The following PKHD1L1 variants were observed in gnomAD, a reference collection of about 807,000 sequenced individuals.
PKHD1L1 encodes the protein PKHD1 like 1, also known as fibrocystin-L.
In PKHD1L1, 434 loss-of-function variants were observed where a neutral mutation model predicts 462.9. That is an observed-to-expected ratio of 0.94 (90% CI 0.87 to 1.02). The LOEUF is 1.02. PKHD1L1 is among the 50% of genes least tolerant of loss of function. The probability of loss-of-function intolerance (pLI) is 0.00; values close to 1 mark genes in which losing one functional copy is unlikely to be tolerated. For synonymous variants in PKHD1L1, 1,781 were observed against 1,750.0 expected, an observed-to-expected ratio of 1.02 and a Z score of -0.44; for missense variants, 5,202 against 5,096.1, an observed-to-expected ratio of 1.02 and a Z score of -0.63.
chr8:109,488,311 A>C (rs546815835), intron 59 of PKHD1L1, among the ~76,000 whole-genome samples: 1 of 151,998 alleles, frequency 6.6e-6, no homozygotes, highest in African/African-American at 2.4e-5. Flanking sequence ...GGATCAAAAC[A>C]TATTTGACCT....
At chr8:109,510,725 C>G in intron 70 of PKHD1L1, 52 bp from the exon 71 acceptor site, 1 of 1,520,454 alleles carries the variant, frequency 6.6e-7, no homozygotes, top group Non-Finnish European at 8.8e-7. Flanking sequence ...AGATTTTATA[C>G]TAATAAAATG....
intron 76 of PKHD1L1, 131 bp downstream of exon 76, chr8:109,523,517 C>A (rs115117590): frequency 1.6e-5 from 14 of 862,788 alleles, no homozygotes; most frequent in Non-Finnish European, 2.3e-5. Context: ...TATATTTTGC[C>A]TTGTTTCAGA....
In PKHD1L1 at chr8:109,438,894, C is replaced by T; in HGVS notation, c.3761-3C>T. The T allele has an allele frequency of 1.3e-6, 2 of 1,576,948 alleles. No individual in the cohort carries two copies. Among genetic ancestry groups the T allele is most frequent in the Non-Finnish European group, 1.7e-6 (2 of 1,159,520 alleles). On this transcript the variant is annotated splice_region_variant and splice_polypyrimidine_tract_variant and intron_variant, in intron 31 of 77. Coordinates refer to ENST00000378402, the MANE Select transcript of PKHD1L1 (RefSeq NM_177531.6). ...CATTATTTTTTAAATTTTAAAATAC[C>T]AGGAGAAGTTAATTTAACAATTAAG...
chr8:109,439,790 A>G (rs1273580676), intron 32 of PKHD1L1, among the ~76,000 whole-genome samples: 1 of 152,154 alleles, frequency 6.6e-6, no homozygotes, highest in Non-Finnish European at 1.5e-5. Context: ...TAGAAAAGGA[A>G]GATACTGAAA....
Position 109,438,975 on chromosome 8 carries a change from A to G in PKHD1L1, c.3839A>G (p.Lys1280Arg). The G allele has an allele frequency of 1.2e-6, 2 of 1,613,714 alleles. No individual in the cohort carries two copies. The highest frequency in any genetic ancestry group is 1.3e-5 in the African/African-American group (1 of 75,038). The change falls in exon 32 of 78, where the codon AAA (lysine) becomes AGA (arginine). Residue 1280 changes from lysine (K) to arginine (R), a missense_variant. Physicochemically the swap from Lys to Arg is conservative, Grantham distance 26. Around this residue, in one of 3 missense-constraint regions of PKHD1L1, gnomAD observed 4,497 missense variants for 4,336.8 expected, o/e 1.04. Transcript: ENST00000378402. ...TQNMAVYVGG[K>R]TCQILHWNFT... The stretch of plus-strand genomic sequence containing the variant: ...AACATGGCGGTGTATGTTGGAGGAA[A>G]AACCTGCCAGATTCTTCACTGGAAC...
intron 50 of PKHD1L1, chr8:109,470,163 G>T: frequency 1.5e-6 from 1 of 663,566 alleles, no homozygotes; most frequent in Non-Finnish European, 2.6e-6. Flanking sequence ...AAAAATATTT[G>T]GATGAAGATT....
At position 109,384,060 on chromosome 8, in the gene PKHD1L1, C is replaced by T. The variant is rs760336415; in HGVS notation, c.418-10C>T. On this transcript the variant is annotated splice_polypyrimidine_tract_variant and intron_variant, in intron 4 of 77. Coordinates refer to ENST00000378402, the MANE Select transcript of PKHD1L1 (RefSeq NM_177531.6). ...GATAAGTTTTCATATTGACATTATT[C>T]TTTTTACAGGCAAAAAGTTTTAGAA... 1 of 1,588,436 alleles carries T rather than the reference C, an allele frequency of 6.3e-7. No individual in the cohort carries two copies. The highest frequency in any genetic ancestry group is 2.2e-5 in the East Asian group (1 of 44,622).
rs1450346808 is a variant in PKHD1L1, at chr8:109,485,927, A to G, written c.9707-721A>G. 4.6e-5 allele frequency among the ~76,000 whole-genome samples: 7 copies of G among 151,942 alleles called. No individual in the cohort carries two copies. In the East Asian group the frequency reaches 1.4e-3, roughly 29 times the overall value. On this transcript the variant is annotated intron_variant, in intron 58 of 77. Coordinates refer to ENST00000378402, the MANE Select transcript of PKHD1L1 (RefSeq NM_177531.6). ...CATAAAGAAAAGTTTTATTTGAAAA[A>G]TGTTTCATTGTAATTAGTTGTAAAA... is the stretch of plus-strand genomic sequence containing the variant.
In PKHD1L1 at chr8:109,491,884, T is replaced by TG; in HGVS notation, c.10131dup (p.Asn3378GlufsTer35). 1 of 1,602,502 alleles carries TG rather than the reference T, an allele frequency of 6.2e-7. No homozygotes were observed. Among genetic ancestry groups the TG allele is most frequent in the South Asian group, 1.1e-5 (1 of 90,058 alleles). On this transcript the variant is annotated frameshift_variant, in exon 62 of 78. Transcript: ENST00000378402. LOFTEE classifies it high-confidence loss of function. The stretch of plus-strand genomic sequence containing the variant: ...CTTTTTTTAAACAGGCATAAGAATA[T>TG]GGGGGAATGCCAACCGAGTCCGAGG...
intron 46 of PKHD1L1, among the ~76,000 whole-genome samples, chr8:109,459,119 A>G (rs962348043): frequency 5.3e-5 from 8 of 152,050 alleles, no homozygotes; most frequent in African/African-American, 1.9e-4. Flanking sequence ...GAAATTTTGG[A>G]CCAGATAATC....
At chr8:109,415,088 T>A (rs911525430) in intron 21 of PKHD1L1, among the ~76,000 whole-genome samples, 1 of 151,634 alleles carries the variant, frequency 6.6e-6, no homozygotes, top group Non-Finnish European at 1.5e-5. Context: ...GCCTTCACCT[T>A]CTGGGCTCAA....
intron 21 of PKHD1L1, among the ~76,000 whole-genome samples, chr8:109,415,054 G>A (rs1305493469): frequency 1.3e-5 from 2 of 151,324 alleles, no homozygotes; most frequent in Non-Finnish European, 2.9e-5. Flanking sequence ...CTGGAGTGCT[G>A]TGGGACCATC....
chr8:109,513,330 G>A (rs936578948), intron 71 of PKHD1L1, among the ~76,000 whole-genome samples: 3 of 152,040 alleles, frequency 2.0e-5, no homozygotes, highest in Admixed American at 6.6e-5. Context: ...TAAAAATAAT[G>A]TACATCCAAA....
At chr8:109,506,691 T>G (rs1819708848) in intron 68 of PKHD1L1, among the ~76,000 whole-genome samples, 1 of 152,190 alleles carries the variant, frequency 6.6e-6, no homozygotes, top group Admixed American at 6.5e-5. Context: ...ATTAAAATCC[T>G]TCTCTAAAAC....
chr8:109,454,946 A>AT (rs1183382109), intron 45 of PKHD1L1, 94 bp downstream of exon 45: 1 of 1,423,672 alleles, frequency 7.0e-7, no homozygotes, highest in Non-Finnish European at 9.3e-7. Flanking sequence ...TTATCCTGTG[A>AT]TAAAGTGAAA....
chr8:109,536,943 G>C lies in PKHD1L1; in HGVS notation c.*6853G>C, dbSNP rs1258572004. Among the ~76,000 whole-genome samples the C allele has an allele frequency of 6.6e-6, 1 of 152,080 alleles. No individual in the cohort carries two copies. The highest frequency in any genetic ancestry group is 1.5e-5 in the Non-Finnish European group (1 of 68,000). On this transcript the variant is annotated 3_prime_UTR_variant, in exon 78 of 78. Transcript: ENST00000378402. ...ACCCTAACTAGTATATGGTGATTTT[G>C]AGTATTAAAAAAGAAGTTATAATTT...
At position 109,445,410 on chromosome 8, in the gene PKHD1L1, T is replaced by A; in HGVS notation, c.5541T>A (p.Thr1847=). ...CTTCTGGAAGCATTGGTGGTGGAAC[T>A]ACACTGGTGATCACAGGAAATGGCT... ...SPTSGSIGGG[T]TLVITGNGFY... The change falls in exon 38 of 78, where the codon ACT becomes ACA. Residue 1847 remains threonine, a synonymous_variant. Coordinates refer to ENST00000378402, the MANE Select transcript of PKHD1L1 (RefSeq NM_177531.6). 1 of 1,613,978 alleles carries A rather than the reference T, an allele frequency of 6.2e-7. No homozygotes were observed. The highest frequency in any genetic ancestry group is 1.6e-4 in the Middle Eastern group (1 of 6,062).
At chr8:109,418,898 A>G (rs1220091133) in intron 21 of PKHD1L1, among the ~76,000 whole-genome samples, 199 bp from the exon 22 acceptor site, 2 of 152,230 alleles carry the variant, frequency 1.3e-5, no homozygotes, top group African/African-American at 2.4e-5. Flanking sequence ...TTTGTATACA[A>G]TGCTAAATCT....
chr8:109,385,431 G>A (rs1812388550), intron 5 of PKHD1L1, 106 bp from the exon 6 acceptor site: 1 of 641,328 alleles, frequency 1.6e-6, no homozygotes, highest in East Asian at 2.9e-5. Context: ...TGAGGTATAA[G>A]TGTCTGGGTC....
Sources: allele counts gnomAD v4.1 joint callset (sites outside exome capture counted in the v4.1 genomes callset), GRCh38; gene constraint gnomAD v4.1.1; regional missense constraint gnomAD v4.1.1; transcripts MANE v1.5; gene names NCBI Gene and HGNC (gene_info 2026-07-23, HGNC 2026-07-21).